SPIDR: variants seen among roughly 807,000 people sequenced by gnomAD.
The protein encoded by SPIDR is DNA repair-scaffolding protein.
A neutral mutation model predicts 104.6 loss-of-function variants in SPIDR; 93 were observed. That is an observed-to-expected ratio of 0.89 (90% CI 0.75 to 1.06). The LOEUF (loss-of-function observed/expected upper bound fraction) is 1.06, where lower values mean the gene tolerates loss of function less well. SPIDR is among the 50% of genes least tolerant of loss of function. The pLI is 0.00. For synonymous variants in SPIDR, 431 were observed against 416.9 expected, an observed-to-expected ratio of 1.03 and a Z score of -0.41; for missense variants, 1,154 against 1,111.2, an observed-to-expected ratio of 1.04 and a Z score of -0.55.
chr8:47,588,437 C>T (rs1430806887), intron 8 of SPIDR, among the ~76,000 whole-genome samples: 2 of 151,508 alleles, frequency 1.3e-5, no homozygotes, highest in African/African-American at 4.9e-5. Context: ...TTGGTTTCTT[C>T]AACCTTGCTT....
intron 5 of SPIDR, among the ~76,000 whole-genome samples, chr8:47,358,828 C>A (rs1212297282): frequency 1.3e-5 from 2 of 152,082 alleles, no homozygotes; most frequent in Admixed American, 6.6e-5. Flanking sequence ...GAAGTTAGGA[C>A]GTAGGATACA....
intron 10 of SPIDR, among the ~76,000 whole-genome samples, chr8:47,648,543 C>T (rs2071002759): frequency 6.6e-6 from 1 of 152,168 alleles, no homozygotes; most frequent in Non-Finnish European, 1.5e-5. Context: ...ACACACTTCC[C>T]AGCTCTACTA....
intron 1 of SPIDR, among the ~76,000 whole-genome samples, chr8:47,265,782 TG>T (rs2033834857): frequency 6.6e-6 from 1 of 152,180 alleles, no homozygotes; most frequent in South Asian, 2.1e-4. Context: ...AAACTAAATC[TG>T]GAGGCTGGGC....
intron 14 of SPIDR, among the ~76,000 whole-genome samples, chr8:47,710,838 G>A (rs982972494): frequency 9.2e-5 from 14 of 151,816 alleles, no homozygotes; most frequent in South Asian, 2.1e-4. Flanking sequence ...GTAGTGCAGT[G>A]GTACCATCAC....
In SPIDR at chr8:47,512,627, C is replaced by T. The variant is rs963135458; in HGVS notation, c.1097+72085C>T. On this transcript the variant is annotated intron_variant, in intron 8 of 19. Transcript: ENST00000297423. ...CTGACCACGGAGAGGTGGAATGTGG[C>T]GCTGACGTCACGGCTGCTCCTGGGA... is the stretch of plus-strand genomic sequence containing the variant. 3.9e-5 allele frequency among the ~76,000 whole-genome samples: 6 copies of T among 152,218 alleles called. No individual in the cohort carries two copies. The South Asian group carries it at 1.0e-3, about 26-fold the overall frequency.
chr8:47,583,142 C>A (rs564482206), intron 8 of SPIDR, among the ~76,000 whole-genome samples: 20 of 141,166 alleles, frequency 1.4e-4, no homozygotes, highest in Middle Eastern at 3.6e-3. Flanking sequence ...ACTAAAAATA[C>A]AAAAAAAAAA....
chr8:47,305,792 T>C (rs1451507006), intron 5 of SPIDR, among the ~76,000 whole-genome samples: 1 of 152,240 alleles, frequency 6.6e-6, no homozygotes, highest in Non-Finnish European at 1.5e-5. Context: ...TCATCTTTTT[T>C]CCCAATGTTT....
chr8:47,336,973 G>T (rs1428136569), intron 5 of SPIDR, among the ~76,000 whole-genome samples: 2 of 152,286 alleles, frequency 1.3e-5, no homozygotes, highest in African/African-American at 4.8e-5. Flanking sequence ...TTCTAAGTGG[G>T]TGTGGAATGG....
chr8:47,615,313 A>G, intron 10 of SPIDR, among the ~76,000 whole-genome samples: 1 of 152,044 alleles, frequency 6.6e-6, no homozygotes, highest in East Asian at 1.9e-4. Flanking sequence ...TATCAAATCC[A>G]AGGTCATGAA....
At chr8:47,401,659 C>CA (rs1190346533) in intron 6 of SPIDR, among the ~76,000 whole-genome samples, 15 of 149,626 alleles carry the variant, frequency 1.0e-4, no homozygotes, top group East Asian at 5.9e-4. Flanking sequence ...AAATGGAAAA[C>CA]AAAAAAAAAG....
intron 5 of SPIDR, among the ~76,000 whole-genome samples, chr8:47,333,912 C>T (rs986640908): frequency 2.6e-5 from 4 of 152,288 alleles, no homozygotes; most frequent in Admixed American, 6.5e-5. Flanking sequence ...ACTGTATATG[C>T]GTTTAGTGCT....
chr8:47,729,247 C>T (rs947168219), intron 18 of SPIDR, 165 bp from the exon 19 acceptor site: 18 of 1,432,528 alleles, frequency 1.3e-5, no homozygotes, highest in Middle Eastern at 1.8e-4. Flanking sequence ...TATGTGAACA[C>T]AGTCTCTCCA....
rs534018862 is a variant in SPIDR at position 47,552,683 on chromosome 8, C to G, written c.1098-43128C>G. Among the ~76,000 whole-genome samples the G allele has an allele frequency of 6.6e-5, 10 of 152,166 alleles. 1 individual carries two copies. Among genetic ancestry groups the G allele is most frequent in the Admixed American group, 6.5e-4 (10 of 15,272 alleles). ...GCATGTGAGATGGGTCTCCTGAACACAGCACACTGATGTGTCTTGACTCTT... is the reference window on the plus strand; with the variant it reads ...GCATGTGAGATGGGTCTCCTGAACAGAGCACACTGATGTGTCTTGACTCTT... On this transcript the variant is annotated intron_variant, in intron 8 of 19. Transcript: ENST00000297423.
intron 10 of SPIDR, among the ~76,000 whole-genome samples, chr8:47,659,153 T>C (rs1215128963): frequency 6.6e-6 from 1 of 151,824 alleles, no homozygotes; most frequent in Non-Finnish European, 1.5e-5. Context: ...CCAGCTACTC[T>C]GGAGGCTGAG....
At chr8:47,552,961 G>GA (rs761805792) in intron 8 of SPIDR, among the ~76,000 whole-genome samples, 2 of 152,108 alleles carry the variant, frequency 1.3e-5, no homozygotes, top group Non-Finnish European at 2.9e-5. Flanking sequence ...GCCTGGTGGT[G>GA]ACAAAAATCT....
chr8:47,349,034 T>C (rs998175502), intron 5 of SPIDR, among the ~76,000 whole-genome samples: 1 of 152,252 alleles, frequency 6.6e-6, no homozygotes, highest in East Asian at 1.9e-4. Flanking sequence ...AGAGGCCCTC[T>C]GGTTTTTAGA....
intron 5 of SPIDR, among the ~76,000 whole-genome samples, chr8:47,368,340 A>T (rs1462669920): frequency 8.5e-6 from 1 of 118,262 alleles, no homozygotes; most frequent in Non-Finnish European, 1.7e-5. Flanking sequence ...GGAGTTGAGA[A>T]GTCAAAAAAA....
intron 11 of SPIDR, among the ~76,000 whole-genome samples, chr8:47,692,487 CTTTTTTTT>C (rs1171012398): frequency 4.4e-4 from 53 of 119,284 alleles, no homozygotes; most frequent in African/African-American, 1.4e-3. Flanking sequence ...TCAGAATTTC[CTTTTTTTT>C]TTTTTTTTTT....
chr8:47,339,110 G>A (rs529388662), intron 5 of SPIDR, among the ~76,000 whole-genome samples: 24 of 152,202 alleles, frequency 1.6e-4, no homozygotes, highest in African/African-American at 5.5e-4. Flanking sequence ...TAACATTTCC[G>A]TTTTAAATAT....
Sources: gnomAD v4.1 joint callset for allele counts (sites outside exome capture counted in the v4.1 genomes callset) on GRCh38, gnomAD v4.1.1 for gene constraint, MANE v1.5 for transcripts, NCBI Gene and HGNC (gene_info 2026-07-23, HGNC 2026-07-21) for gene names.